The following LRP1B variants were observed in gnomAD, a reference collection of about 807,000 sequenced individuals.
LRP1B encodes LDL receptor related protein 1B.
A neutral mutation model predicts 556.6 loss-of-function variants in LRP1B; 217 were observed. That is an observed-to-expected ratio of 0.39 (90% CI 0.35 to 0.44). The LOEUF is 0.44. Among genes scored for constraint, LRP1B ranks in the 20% least tolerant of loss-of-function variants. LRP1B has a pLI of 1.00. For synonymous variants in LRP1B, 2,047 were observed against 1,865.8 expected (o/e 1.10, Z -2.50); for missense variants, 5,053 against 5,620.8 (o/e 0.90, Z 3.23).
intron 7 of LRP1B, among the ~76,000 whole-genome samples, chr2:141,139,338 TA>T (rs61452559): frequency 2.0e-5 from 3 of 151,520 alleles, no homozygotes; most frequent in East Asian, 1.9e-4. Context: ...TCACAGTCTA[TA>T]AAAAAAATGA....
chr2:141,123,829 G>A (rs1701128022), intron 7 of LRP1B, among the ~76,000 whole-genome samples: 1 of 151,956 alleles, frequency 6.6e-6, no homozygotes, highest in Non-Finnish European at 1.5e-5. Flanking sequence ...AGTCTCTTAA[G>A]CACTTTGCTA....
intron 2 of LRP1B, 128 bp from the exon 3 acceptor site, chr2:141,480,661 CT>C: frequency 1.1e-6 from 1 of 921,066 alleles, no homozygotes; most frequent in East Asian, 2.6e-5. Flanking sequence ...GAGTGCTGCT[CT>C]TGTTCTCAGA....
At chr2:141,518,473 G>T (rs1438339091) in intron 2 of LRP1B, among the ~76,000 whole-genome samples, 1 of 152,136 alleles carries the variant, frequency 6.6e-6, no homozygotes, top group Non-Finnish European at 1.5e-5. Flanking sequence ...TTCAAGTGAA[G>T]AAATTTCACT....
At chr2:140,868,056 C>A (rs754931956) in intron 26 of LRP1B, 43 bp downstream of exon 26, 14 of 1,539,410 alleles carry the variant, frequency 9.1e-6, no homozygotes, top group Non-Finnish European at 1.2e-5. Context: ...TAAATATTAT[C>A]TAAGTAAAAA....
At chr2:141,014,444 T>A (rs1367624629) in intron 13 of LRP1B, among the ~76,000 whole-genome samples, 1 of 152,068 alleles carries the variant, frequency 6.6e-6, no homozygotes, top group Non-Finnish European at 1.5e-5. Context: ...CAGTTTCACA[T>A]GTAGGATTTT....
At chr2:141,594,736 A>G (rs546144028) in intron 2 of LRP1B, among the ~76,000 whole-genome samples, 2 of 152,246 alleles carry the variant, frequency 1.3e-5, no homozygotes, top group Admixed American at 1.3e-4. Flanking sequence ...AAGCATTCTC[A>G]TTTTCCTTGG....
At chr2:141,732,093 TG>T (rs1693294600) in intron 2 of LRP1B, among the ~76,000 whole-genome samples, 1 of 152,132 alleles carries the variant, frequency 6.6e-6, no homozygotes, top group African/African-American at 2.4e-5. Context: ...ACTACCTAAA[TG>T]GTAATGACCT....
chr2:140,831,666 C>A (rs954616165), intron 31 of LRP1B, among the ~76,000 whole-genome samples: 1 of 151,952 alleles, frequency 6.6e-6, no homozygotes, highest in Non-Finnish European at 1.5e-5. Flanking sequence ...GCAAAAATAG[C>A]AAATGGGATT....
chr2:141,449,629 AC>A (rs1303204612), intron 3 of LRP1B, among the ~76,000 whole-genome samples: 7 of 145,830 alleles, frequency 4.8e-5, no homozygotes. Context: ...CAAGAAAAAA[AC>A]CACAGGGTTA....
intron 1 of LRP1B, among the ~76,000 whole-genome samples, chr2:141,919,892 C>CA (rs1418922077): frequency 6.6e-6 from 1 of 151,878 alleles, no homozygotes; most frequent in Non-Finnish European, 1.5e-5. Flanking sequence ...AACTAGTTCA[C>CA]AAAAAAGTTC....
At chr2:140,601,987 A>C (rs1682691602) in intron 41 of LRP1B, among the ~76,000 whole-genome samples, 1 of 152,104 alleles carries the variant, frequency 6.6e-6, no homozygotes, top group African/African-American at 2.4e-5. Flanking sequence ...GATGTTTTGG[A>C]AAACCTTATG....
At chr2:141,519,944 G>A (rs896754283) in intron 2 of LRP1B, among the ~76,000 whole-genome samples, 3 of 152,076 alleles carry the variant, frequency 2.0e-5, no homozygotes, top group African/African-American at 2.4e-5. Flanking sequence ...ATGAAAGCCC[G>A]ACAATAGGGG....
chr2:141,474,324 C>G (rs1682618533), intron 3 of LRP1B, among the ~76,000 whole-genome samples: 1 of 152,058 alleles, frequency 6.6e-6, no homozygotes, highest in Non-Finnish European at 1.5e-5. Context: ...ACTAATTTTC[C>G]CATGGTGAAT....
At chr2:140,260,642 T>C (rs920144581) in intron 86 of LRP1B, among the ~76,000 whole-genome samples, 93 of 151,914 alleles carry the variant, frequency 6.1e-4, no homozygotes, top group African/African-American at 2.2e-3. Flanking sequence ...GTTTTTTTAT[T>C]TGTTTCTGGG....
At chr2:140,662,656 G>A (rs1346747458) in intron 41 of LRP1B, among the ~76,000 whole-genome samples, 1 of 152,188 alleles carries the variant, frequency 6.6e-6, no homozygotes, top group South Asian at 2.1e-4. Flanking sequence ...TGCACAAATA[G>A]AAAGAATTAA....
chr2:140,478,428 C>T (rs78520522), intron 59 of LRP1B, among the ~76,000 whole-genome samples: 7,248 of 152,064 alleles, frequency 0.048, 205 homozygotes, highest in African/African-American at 0.052. Flanking sequence ...TGGTTACAGG[C>T]GTGAGCCACC....
chr2:141,268,695 G>A (rs1043265832), intron 3 of LRP1B, among the ~76,000 whole-genome samples: 1 of 151,984 alleles, frequency 6.6e-6, no homozygotes, highest in Non-Finnish European at 1.5e-5. Context: ...GAAATGGGAA[G>A]TTACACCTCC....
intron 35 of LRP1B, among the ~76,000 whole-genome samples, chr2:140,745,692 C>G (rs972198728): frequency 6.6e-6 from 1 of 152,074 alleles, no homozygotes; most frequent in African/African-American, 2.4e-5. Flanking sequence ...CCCAGATGCC[C>G]CACTGCCTGA....
chr2:141,003,911 T>A (rs1430612533), intron 15 of LRP1B, among the ~76,000 whole-genome samples: 3 of 152,036 alleles, frequency 2.0e-5, no homozygotes, highest in African/African-American at 7.2e-5. Flanking sequence ...CAATGATATA[T>A]CATTATAAGA....
Sources: gnomAD v4.1 joint callset for allele counts (sites outside exome capture counted in the v4.1 genomes callset) on GRCh38, gnomAD v4.1.1 for gene constraint, MANE v1.5 for transcripts, NCBI Gene and HGNC (gene_info 2026-07-23, HGNC 2026-07-21) for gene names.